SPATS2L: variants seen among roughly 807,000 people sequenced by gnomAD.
SPATS2L encodes spermatogenesis associated serine rich 2 like.
SPATS2L carries 30 observed loss-of-function variants against 59.6 expected under a neutral mutation model. The observed-to-expected ratio is 0.50, with a 90% CI of 0.38 to 0.68. The LOEUF is 0.68. SPATS2L is among the 30% of genes least tolerant of loss of function. The pLI is 0.00. For synonymous variants in SPATS2L, 252 were observed against 263.5 expected (o/e 0.96, Z 0.42); for missense variants, 615 against 700.0 (o/e 0.88, Z 1.37).
intron 3 of SPATS2L, 74 bp downstream of exon 3, chr2:200,389,357 A>G (rs573552601): frequency 3.2e-5 from 34 of 1,077,100 alleles, no homozygotes; most frequent in Non-Finnish European, 4.5e-5. Flanking sequence ...TAAAAACTCA[A>G]TTACAGTGGA....
chr2:200,404,088 G>C (rs749663190), intron 3 of SPATS2L, among the ~76,000 whole-genome samples: 17 of 152,104 alleles, frequency 1.1e-4, no homozygotes, highest in Non-Finnish European at 1.9e-4. Flanking sequence ...ATTTCCAGTG[G>C]AAGCTTGTTT....
intron 5 of SPATS2L, among the ~76,000 whole-genome samples, chr2:200,417,369 T>C (rs2083109470): frequency 6.6e-6 from 1 of 152,176 alleles, no homozygotes. Flanking sequence ...TTAACCTTTG[T>C]ATGCCACCAT....
chr2:200,462,182 T>C (rs2086286018), intron 9 of SPATS2L, among the ~76,000 whole-genome samples: 2 of 152,178 alleles, frequency 1.3e-5, no homozygotes, highest in Admixed American at 6.5e-5. Flanking sequence ...TGAACCAAAA[T>C]GGAAAGTCAC....
rs1016525175 is a variant in SPATS2L at position 200,410,926 on chromosome 2, A to T, written c.40-1385A>T. ...GAAAGAACTTAGATTTGAAGACGTT[A>T]ATTTGTTTTAATGGATGCCAGAAAA... On this transcript the variant is annotated intron_variant, in intron 3 of 12. Transcript: ENST00000409140. 2.6e-5 allele frequency among the ~76,000 whole-genome samples: 4 copies of T among 151,778 alleles called. No homozygotes were observed. The East Asian group carries it at 5.8e-4, about 22-fold the overall frequency.
chr2:200,451,515 C>A (rs757125467), intron 8 of SPATS2L, among the ~76,000 whole-genome samples: 1 of 152,118 alleles, frequency 6.6e-6, no homozygotes, highest in African/African-American at 2.4e-5. Flanking sequence ...ATATTGTATT[C>A]CTGCTCCATT....
At chr2:200,340,002 T>C (rs1574438306) in intron 2 of SPATS2L, among the ~76,000 whole-genome samples, 1 of 152,320 alleles carries the variant, frequency 6.6e-6, no homozygotes, top group South Asian at 2.1e-4. Context: ...TTCAGCTCTT[T>C]AGGTGACACT....
chr2:200,429,168 A>G (rs1467271581), intron 6 of SPATS2L, among the ~76,000 whole-genome samples: 2 of 152,122 alleles, frequency 1.3e-5, no homozygotes, highest in East Asian at 3.9e-4. Flanking sequence ...TTGGGCCCTC[A>G]TACTGGCCAT....
Position 200,439,238 on chromosome 2 carries a change from A to G in SPATS2L, c.562A>G (p.Ser188Gly). ...GTCAGCTGAGCAGCCTTGTAACCCA[A>G]GCAAGCCTAAGGCAAAAACATCTCC... ...QWSAEQPCNP[S>G]KPKAKTSPVK... is the part of the protein sequence containing the mutation. Residue 188 changes from serine to glycine, a missense_variant, in exon 7 of 13, where the codon AGC becomes GGC. Ser to Gly is a moderately conservative substitution (Grantham distance 56, BLOSUM62 0). Around this residue, in one of 3 missense-constraint regions of SPATS2L, gnomAD observed 227 missense variants for 257.4 expected, o/e 0.88. Transcript: ENST00000409140. 1 of 1,613,796 alleles carries G rather than the reference A, an allele frequency of 6.2e-7. No individual in the cohort carries two copies. The highest frequency in any genetic ancestry group is 8.5e-7 in the Non-Finnish European group (1 of 1,179,744).
chr2:200,368,624 G>C (rs936765122), intron 2 of SPATS2L, among the ~76,000 whole-genome samples: 6 of 152,190 alleles, frequency 3.9e-5, no homozygotes, highest in Non-Finnish European at 5.9e-5. Flanking sequence ...GCACTTGGGG[G>C]ATTGTGACCA....
chr2:200,393,424 C>G (rs541490157), intron 3 of SPATS2L, among the ~76,000 whole-genome samples: 1 of 152,232 alleles, frequency 6.6e-6, no homozygotes, highest in Non-Finnish European at 1.5e-5. Flanking sequence ...AGTCATCCCA[C>G]TCCTCATGAG....
chr2:200,307,094 C>G (rs939411463), intron 1 of SPATS2L, among the ~76,000 whole-genome samples, 172 bp downstream of exon 1: 10 of 150,648 alleles, frequency 6.6e-5, no homozygotes, highest in Non-Finnish European at 1.5e-4. Flanking sequence ...CGCTCGGCGC[C>G]GAGGCGGGCT....
At chr2:200,327,784 G>T (rs542697015) in intron 1 of SPATS2L, among the ~76,000 whole-genome samples, 58 of 152,290 alleles carry the variant, frequency 3.8e-4, no homozygotes, top group Non-Finnish European at 7.9e-4. Context: ...ATCTAGGTGA[G>T]ATGAACTGAT....
At position 200,480,404 on chromosome 2, in the gene SPATS2L, A is replaced by T. The variant is rs1200731098; in HGVS notation, c.*2373A>T. 2 of 124,790 alleles carry T rather than the reference A, an allele frequency of 1.6e-5. No homozygotes were observed. The highest frequency in any genetic ancestry group is 8.3e-5 in the Admixed American group (1 of 12,004). The allele number at this position is 124,790 out of a possible 1,614,324, so 7.7% of individuals were successfully genotyped here. A position where few individuals can be genotyped will look rare whatever the true frequency, so the allele number is the denominator to read the frequency against. ...CTAGGCTGGAGTGCATGTTTTTGAG[A>T]CAGGGTCTTGCTCTATCACCTAGGC... On this transcript the variant is annotated 3_prime_UTR_variant, in exon 13 of 13. Coordinates refer to ENST00000409140, the MANE Select transcript of SPATS2L (RefSeq NM_001100423.2).
chr2:200,417,767 G>A (rs2083125483), intron 5 of SPATS2L, among the ~76,000 whole-genome samples: 1 of 152,186 alleles, frequency 6.6e-6, no homozygotes, highest in Non-Finnish European at 1.5e-5. Context: ...GCAGGGAGGA[G>A]AATTGAGAAG....
rs1044985765 is a variant in SPATS2L, at chr2:200,477,777, C to T, written c.1423C>T (p.Pro475Ser). 8 of 1,579,906 alleles carry T rather than the reference C, an allele frequency of 5.1e-6. No individual in the cohort carries two copies. The highest frequency in any genetic ancestry group is 6.9e-6 in the Non-Finnish European group (8 of 1,162,786). ...GNSRHEHRRQ[P>S]HNGFRPKNKG... ...CAGCCGCCACGAACACAGAAGACAG[C>T]CGCACAACGGCTTCCGGCCCAAAAA... Residue 475 changes from proline to serine, a missense_variant, in exon 13 of 13, where the codon CCG becomes TCG. Physicochemically the swap from Pro to Ser is moderately conservative, Grantham distance 74 (BLOSUM62 -1). Transcript: ENST00000409140.
intron 2 of SPATS2L, among the ~76,000 whole-genome samples, chr2:200,374,358 G>C (rs2081530552): frequency 6.6e-6 from 1 of 152,116 alleles, no homozygotes; most frequent in South Asian, 2.1e-4. Context: ...TAGTGCAAAA[G>C]AGCACTCCCT....
chr2:200,374,961 T>A (rs1402673018), intron 2 of SPATS2L, among the ~76,000 whole-genome samples: 1 of 152,238 alleles, frequency 6.6e-6, no homozygotes, highest in African/African-American at 2.4e-5. Flanking sequence ...TTGGAAGAGA[T>A]TAAACTATGT....
chr2:200,419,312 G>T lies in SPATS2L; in HGVS notation c.261G>T (p.Lys87Asn). Residue 87 changes from lysine to asparagine, a missense_variant, in exon 6 of 13, where the codon AAG becomes AAT. Around this residue, in one of 3 missense-constraint regions of SPATS2L, gnomAD observed 227 missense variants for 257.4 expected, o/e 0.88. Transcript: ENST00000409140. Reference sequence around the variant, plus strand: ...AAGGCAACAAAGATGCTAAAGACAAGGTGGAGAGGCCTGAGGCAGGGCCCC... The same window carrying T: ...AAGGCAACAAAGATGCTAAAGACAATGTGGAGAGGCCTGAGGCAGGGCCCC... ...QHQGNKDAKDKVERPEAGPLQ... is the reference protein window; with the variant it reads ...QHQGNKDAKDNVERPEAGPLQ... 1.9e-6 allele frequency: 3 copies of T among 1,606,142 alleles called. No individual in the cohort carries two copies. Among genetic ancestry groups the T allele is most frequent in the Non-Finnish European group, 2.6e-6 (3 of 1,176,100 alleles).
chr2:200,429,589 A>C (rs1036699132), intron 6 of SPATS2L, among the ~76,000 whole-genome samples: 1 of 152,060 alleles, frequency 6.6e-6, no homozygotes, highest in African/African-American at 2.4e-5. Flanking sequence ...GGAGGTGGGG[A>C]ATGGCACGAG....
Sources: allele counts gnomAD v4.1 joint callset (sites outside exome capture counted in the v4.1 genomes callset), GRCh38; gene constraint gnomAD v4.1.1; regional missense constraint gnomAD v4.1.1; transcripts MANE v1.5; gene names NCBI Gene and HGNC (gene_info 2026-07-23, HGNC 2026-07-21).